The following XPNPEP2 variants were observed in gnomAD, a reference collection of about 807,000 sequenced individuals.
XPNPEP2 encodes xaa-Pro aminopeptidase 2.
A neutral mutation model predicts 59.8 loss-of-function variants in XPNPEP2; 64 were observed. The observed-to-expected ratio is 1.07, with a 90% confidence interval of 0.87 to 1.32. The LOEUF is 1.32. Ranked by LOEUF, XPNPEP2 falls within the 40% of genes most tolerant of loss-of-function variation. The pLI is 0.00. For synonymous variants in XPNPEP2, 235 were observed against 210.0 expected, an observed-to-expected ratio of 1.12 and a Z score of -1.03; for missense variants, 575 against 546.8, an observed-to-expected ratio of 1.05 and a Z score of -0.51.
chrX:129,745,257 G>A lies in XPNPEP2; in HGVS notation c.289G>A (p.Gly97Arg), dbSNP rs201743054. The part of the protein sequence containing the change: ...ERRAWITGFT[G>R]SAGTAVVTMK... ...GCGTGCGTGGATTACAGGCTTTACA[G>A]GGTCTGCAGGTGACAATCATTACCC... The change falls in exon 4 of 21, where the codon GGG (glycine) becomes AGG (arginine). Residue 97 changes from glycine (G) to arginine (R), a missense_variant. Transcript: ENST00000371106. 1.7e-6 allele frequency: 2 copies of A among 1,211,739 alleles called. No individual in the cohort carries two copies. The highest frequency in any genetic ancestry group is 2.2e-6 in the Non-Finnish European group (2 of 895,514).
chrX:129,744,026 C>G lies in XPNPEP2; in HGVS notation c.189C>G (p.Thr63=), dbSNP rs148963224. The change falls in exon 3 of 21, where the codon ACC becomes ACG. Residue 63 remains threonine (T), a synonymous_variant. Coordinates refer to ENST00000371106, the MANE Select transcript of XPNPEP2 (RefSeq NM_003399.6). ...SLTALRQQMQ[T]QNLSAYIIPG... ...CAGCCCTCCGCCAGCAGATGCAGACCCAGAATCTCTCAGCCTACATCATCC... is the reference window on the plus strand; with the variant it reads ...CAGCCCTCCGCCAGCAGATGCAGACGCAGAATCTCTCAGCCTACATCATCC... The G allele has an allele frequency of 7.9e-5, 95 of 1,210,166 alleles. No individual in the cohort carries two copies. In the African/African-American group the frequency reaches 1.5e-3, roughly 18 times the overall value.
intron 12 of XPNPEP2, 38 bp from the exon 13 acceptor site, chrX:129,755,256 G>A (rs940671465): frequency 9.4e-6 from 11 of 1,175,596 alleles, no homozygotes; most frequent in Admixed American, 4.4e-5. Context: ...TAGTCCAGGG[G>A]CCCATTCATT....
chrX:129,744,425 CT>C (rs1268498163), intron 3 of XPNPEP2, among the ~76,000 whole-genome samples: 1 of 112,025 alleles, frequency 8.9e-6, no homozygotes, highest in East Asian at 2.8e-4. Flanking sequence ...TCCAAGCTCC[CT>C]TCTGGCCCAG....
At chrX:129,759,115 C>T in intron 14 of XPNPEP2, 65 bp from the exon 15 acceptor site, 1 of 1,184,471 alleles carries the variant, frequency 8.4e-7, no homozygotes, top group Non-Finnish European at 1.1e-6. Flanking sequence ...GGAAAGCACA[C>T]AGAAAGCACA....
At position 129,754,480 on chromosome X, in the gene XPNPEP2, C is replaced by T. The variant is rs759885261; in HGVS notation, c.1116C>T (p.Asp372=). 1.5e-5 allele frequency: 18 copies of T among 1,181,639 alleles called. No homozygotes were observed. The highest frequency in any genetic ancestry group is 1.1e-4 in the South Asian group (6 of 52,604). Residue 372 remains aspartate, a synonymous_variant, in exon 12 of 21, where the codon GAC becomes GAT. Coordinates refer to ENST00000371106, the MANE Select transcript of XPNPEP2 (RefSeq NM_003399.6). ...TGCTTCCCCAACTCCAGGTGCGGGA[C>T]GCTGTGGCTGTGATCCGGTACTTGG... is the stretch of plus-strand genomic sequence containing the variant. The part of the protein sequence containing the change: ...QALLKASHVR[D]AVAVIRYLVW...
At chrX:129,741,184 A>G (rs1348643915) in intron 1 of XPNPEP2, among the ~76,000 whole-genome samples, 3 of 99,696 alleles carry the variant, frequency 3.0e-5, no homozygotes, top group African/African-American at 1.1e-4. Context: ...GGGGGGGGTC[A>G]CTCTCGAGTC....
At chrX:129,755,244 C>A (rs1926496335) in intron 12 of XPNPEP2, 50 bp from the exon 13 acceptor site, 2 of 1,134,986 alleles carry the variant, frequency 1.8e-6, no homozygotes, top group Non-Finnish European at 2.4e-6. Context: ...CCGGGCCCAG[C>A]CTAGTCCAGG....
At chrX:129,739,557 C>T (rs1346599934) in intron 1 of XPNPEP2, among the ~76,000 whole-genome samples, 1 of 112,108 alleles carries the variant, frequency 8.9e-6, no homozygotes, top group Non-Finnish European at 1.9e-5. Context: ...AAATGGGGCT[C>T]AACTCTGATT....
At chrX:129,757,576 C>T (rs756496287) in intron 14 of XPNPEP2, among the ~76,000 whole-genome samples, 7 of 107,643 alleles carry the variant, frequency 6.5e-5, no homozygotes, top group Admixed American at 4.1e-4. Context: ...GAGGCCGAGG[C>T]GGGCAGATCA....
rs990207112 is a variant in XPNPEP2 at position 129,768,705 on chromosome X, T to C, written c.*220T>C. The C allele has an allele frequency of 6.4e-6, 2 of 310,681 alleles. No homozygotes were observed. Among genetic ancestry groups the C allele is most frequent in the Non-Finnish European group, 1.1e-5 (2 of 180,551 alleles). 25.6% of individuals were successfully genotyped at this position (310,681 alleles called of 1,213,427 possible). A position where few individuals can be genotyped will look rare whatever the true frequency, so the allele number is the denominator to read the frequency against. On this transcript the variant is annotated 3_prime_UTR_variant, in exon 21 of 21. Coordinates refer to ENST00000371106, the MANE Select transcript of XPNPEP2 (RefSeq NM_003399.6). ...GGCACCTCCCTGCACCCCGGGGTTG[T>C]ATACCACACCCTGGGCCCCTAATCC...
rs1258037802 is a variant in XPNPEP2, at chrX:129,757,887, GAGAGAGAGAAAGAAAGAAAGAAAGAA to G, written c.1368-1289_1368-1264del. 3.5e-3 allele frequency among the ~76,000 whole-genome samples: 286 copies of G among 82,701 alleles called. 9 individuals carry two copies. The highest frequency in any genetic ancestry group is 0.015 in the African/African-American group (269 of 18,121). The allele number at this position is 82,701 out of a possible 115,157, so 71.8% of individuals were successfully genotyped here. On this transcript the variant is annotated intron_variant, in intron 14 of 20. Coordinates refer to ENST00000371106, the MANE Select transcript of XPNPEP2 (RefSeq NM_003399.6). ...GGAGAGAGAGAAAGAGAGAGAGAGA[GAGAGAGAGAAAGAAAGAAAGAAAGAA>G]AGAAAGAAAGAAAGAAAGAAAGAAA...
At chrX:129,744,168 A>G in intron 3 of XPNPEP2, 97 bp downstream of exon 3, 1 of 803,153 alleles carries the variant, frequency 1.2e-6, no homozygotes, top group South Asian at 2.3e-5. Flanking sequence ...AGACAGAGAA[A>G]GGATCTGATG....
At chrX:129,759,324 A>G in intron 15 of XPNPEP2, 84 bp downstream of exon 15, 5 of 1,119,890 alleles carry the variant, frequency 4.5e-6, no homozygotes, top group Non-Finnish European at 4.9e-6. Context: ...TTCAGAGGCT[A>G]AAACTGAAGC....
rs1926811645 is a variant in XPNPEP2, at chrX:129,769,323, GAC to G, written c.*844_*845del. 1 of 111,938 alleles carries G rather than the reference GAC, an allele frequency of 8.9e-6. No homozygotes were observed. The highest frequency in any genetic ancestry group is 3.3e-5 in the African/African-American group (1 of 30,766). 9.2% of individuals were successfully genotyped at this position (111,938 alleles called of 1,213,427 possible). ...AGACAGGGGGTGGGCTTTGCCTAAG[GAC>G]ACACAAATTTGGTTGGGAGTTGATG... is the stretch of plus-strand genomic sequence containing the variant. On this transcript the variant is annotated 3_prime_UTR_variant, in exon 21 of 21. Coordinates refer to ENST00000371106, the MANE Select transcript of XPNPEP2 (RefSeq NM_003399.6).
chrX:129,741,136 C>G (rs1004355369), intron 1 of XPNPEP2, among the ~76,000 whole-genome samples: 1 of 97,569 alleles, frequency 1.0e-5, no homozygotes, highest in Non-Finnish European at 2.0e-5. Context: ...GCCTGGCACA[C>G]AGTAGGCGCT....
At chrX:129,757,893 G>GAGAGAGAA (rs1556393924) in intron 14 of XPNPEP2, among the ~76,000 whole-genome samples, 1 of 51,782 alleles carries the variant, frequency 1.9e-5, no homozygotes, top group Admixed American at 2.3e-4. Context: ...GAGAGAGAGA[G>GAGAGAGAA]AGAAAGAAAG....
At chrX:129,743,168 G>A (rs1447147201) in intron 2 of XPNPEP2, among the ~76,000 whole-genome samples, 1 of 112,550 alleles carries the variant, frequency 8.9e-6, no homozygotes, top group African/African-American at 3.2e-5. Flanking sequence ...AGGTGGGTGG[G>A]CAAACCACAT....
At chrX:129,744,109 A>G in intron 3 of XPNPEP2, 38 bp downstream of exon 3, 1 of 1,129,105 alleles carries the variant, frequency 8.9e-7, no homozygotes, top group Non-Finnish European at 1.2e-6. Flanking sequence ...CCTCTCTGCT[A>G]CCCTGGGTCA....
intron 15 of XPNPEP2, among the ~76,000 whole-genome samples, chrX:129,759,497 T>C (rs1292159666): frequency 2.7e-5 from 3 of 112,756 alleles, no homozygotes; most frequent in Admixed American, 1.9e-4. Flanking sequence ...TTTTTTGTTG[T>C]TGCCTGTGTG....
Sources: allele counts gnomAD v4.1 joint callset (sites outside exome capture counted in the v4.1 genomes callset), GRCh38; gene constraint gnomAD v4.1.1; transcripts MANE v1.5; gene names NCBI Gene and HGNC (gene_info 2026-07-23, HGNC 2026-07-21).